The following RAP1GDS1 variants were observed in gnomAD, a reference collection of about 807,000 sequenced individuals.
RAP1GDS1 encodes Rap1 GTPase-GDP dissociation stimulator 1, also known as RAP1, GTP-GDP dissociation stimulator 1.
Under a neutral mutation model 71.1 loss-of-function variants are expected in RAP1GDS1, and 35 were observed. The observed-to-expected ratio is 0.49, with a 90% CI of 0.38 to 0.65. RAP1GDS1 has a LOEUF of 0.65. Ranked by LOEUF, RAP1GDS1 falls within the 30% of genes least tolerant of loss-of-function variation. The pLI is 0.00. For synonymous variants in RAP1GDS1, 229 were observed against 243.1 expected (o/e 0.94, Z 0.54); for missense variants, 663 against 706.1 (o/e 0.94, Z 0.69).
At chr4:98,281,602 C>T (rs1239290934) in intron 1 of RAP1GDS1, among the ~76,000 whole-genome samples, 2 of 152,130 alleles carry the variant, frequency 1.3e-5, no homozygotes, top group Non-Finnish European at 2.9e-5. Context: ...CCCTTTATTT[C>T]TTTCTCTTGC....
intron 4 of RAP1GDS1, 56 bp from the exon 5 acceptor site, chr4:98,378,961 A>G: frequency 7.0e-7 from 1 of 1,422,992 alleles, no homozygotes; most frequent in Non-Finnish European, 9.5e-7. Flanking sequence ...TGTATTTGAA[A>G]TTGTAAGGTA....
intron 6 of RAP1GDS1, among the ~76,000 whole-genome samples, chr4:98,393,268 A>C (rs972504627): frequency 2.0e-5 from 3 of 152,210 alleles, no homozygotes; most frequent in Admixed American, 1.3e-4. Flanking sequence ...AGGGAATAGA[A>C]ATTATTAAAG....
At chr4:98,297,945 G>A (rs1275533891) in intron 2 of RAP1GDS1, among the ~76,000 whole-genome samples, 1 of 152,170 alleles carries the variant, frequency 6.6e-6, no homozygotes, top group Non-Finnish European at 1.5e-5. Flanking sequence ...AGTTCTTGAA[G>A]GAAATTAAAA....
chr4:98,320,504 G>C (rs1188382217), intron 2 of RAP1GDS1, among the ~76,000 whole-genome samples: 1 of 152,204 alleles, frequency 6.6e-6, no homozygotes, highest in Non-Finnish European at 1.5e-5. Flanking sequence ...CGCAGAAGAC[G>C]GGTGATTTCT....
chr4:98,269,119 G>A lies in RAP1GDS1; in HGVS notation c.4+7550G>A, dbSNP rs559100348. On this transcript the variant is annotated intron_variant, in intron 1 of 14. Coordinates refer to ENST00000408927, the MANE Select transcript of RAP1GDS1 (RefSeq NM_001100427.2). ...ATAAAAGCAGACACATAGATCAATG[G>A]AACAGAATAGAGAGGCCAGAAATAA... Among the ~76,000 whole-genome samples, 4 of 128,666 alleles carry A rather than the reference G, an allele frequency of 3.1e-5. No individual in the cohort carries two copies. In the South Asian group the frequency reaches 7.2e-4, roughly 23 times the overall value. 84.4% of individuals were successfully genotyped at this position (128,666 alleles called of 152,430 possible).
At position 98,438,487 on chromosome 4, in the gene RAP1GDS1, G is replaced by A. The variant is rs1326673454; in HGVS notation, c.1696+1419G>A. On this transcript the variant is annotated intron_variant, in intron 14 of 14. Coordinates refer to ENST00000408927, the MANE Select transcript of RAP1GDS1 (RefSeq NM_001100427.2). Reference sequence around the variant, plus strand: ...GGCTTAAGTGTGCAATCTTATTTTTGTTTTCTGTTTGTCACATTTCTTCTT... The same window carrying A: ...GGCTTAAGTGTGCAATCTTATTTTTATTTTCTGTTTGTCACATTTCTTCTT... Among the ~76,000 whole-genome samples, 7 of 131,466 alleles carry A rather than the reference G, an allele frequency of 5.3e-5. No homozygotes were observed. In the Admixed American group the frequency reaches 5.5e-4, roughly 10 times the overall value. The allele number at this position is 131,466 out of a possible 152,430, so 86.2% of individuals were successfully genotyped here. A position where few individuals can be genotyped will look rare whatever the true frequency, so the allele number is the denominator to read the frequency against.
intron 4 of RAP1GDS1, among the ~76,000 whole-genome samples, chr4:98,360,435 T>C (rs1240715132): frequency 7.2e-6 from 1 of 138,474 alleles, no homozygotes; most frequent in Non-Finnish European, 1.5e-5. Context: ...TTAGGTAGGG[T>C]GGGAAAAGTC....
chr4:98,385,532 G>A lies in RAP1GDS1; in HGVS notation c.508+6369G>A, dbSNP rs1004041146. Among the ~76,000 whole-genome samples, 17 of 151,764 alleles carry A rather than the reference G, an allele frequency of 1.1e-4. No individual in the cohort carries two copies. The East Asian group carries it at 2.7e-3, about 24-fold the overall frequency. ...ATTTACAAAGTCCATTCAGAGAGGC[G>A]CTGAACCCAGAAAAGCATCATGTGT... On this transcript the variant is annotated intron_variant, in intron 5 of 14. Coordinates refer to ENST00000408927, the MANE Select transcript of RAP1GDS1 (RefSeq NM_001100427.2).
At chr4:98,401,919 A>G (rs527636137) in intron 6 of RAP1GDS1, among the ~76,000 whole-genome samples, 1 of 152,302 alleles carries the variant, frequency 6.6e-6, no homozygotes, top group East Asian at 1.9e-4. Context: ...ATTATTTTAA[A>G]GAAGAGTAAG....
intron 2 of RAP1GDS1, among the ~76,000 whole-genome samples, chr4:98,325,807 G>A (rs1219468952): frequency 6.7e-6 from 1 of 149,346 alleles, no homozygotes; most frequent in African/African-American, 2.5e-5. Context: ...AGCATTGGGC[G>A]ATATACCTAA....
At chr4:98,381,106 G>C (rs1456583778) in intron 5 of RAP1GDS1, among the ~76,000 whole-genome samples, 1 of 151,592 alleles carries the variant, frequency 6.6e-6, no homozygotes, top group Non-Finnish European at 1.5e-5. Flanking sequence ...TTGAAGAGTA[G>C]GCTTTTTTCT....
chr4:98,426,523 A>T (rs1749637982), intron 12 of RAP1GDS1, among the ~76,000 whole-genome samples: 1 of 152,144 alleles, frequency 6.6e-6, no homozygotes, highest in Non-Finnish European at 1.5e-5. Context: ...TTAGAAAAGA[A>T]ATGGGAAATA....
intron 2 of RAP1GDS1, among the ~76,000 whole-genome samples, chr4:98,307,792 T>C (rs1319602055): frequency 6.6e-6 from 1 of 152,150 alleles, no homozygotes; most frequent in Non-Finnish European, 1.5e-5. Context: ...AATCAGAACA[T>C]CTACAAAGTG....
At chr4:98,344,145 A>C (rs1022042310) in intron 3 of RAP1GDS1, among the ~76,000 whole-genome samples, 1 of 152,198 alleles carries the variant, frequency 6.6e-6, no homozygotes, top group Non-Finnish European at 1.5e-5. Context: ...AAGCTGTGTC[A>C]TTTGTGTAGA....
intron 4 of RAP1GDS1, among the ~76,000 whole-genome samples, chr4:98,358,874 A>G (rs757796006): frequency 1.3e-5 from 2 of 151,758 alleles, no homozygotes; most frequent in Non-Finnish European, 2.9e-5. Context: ...TAAAGGGTAC[A>G]TGAGACCTTT....
In RAP1GDS1 at chr4:98,442,647, C is replaced by T. The variant is rs753585937; in HGVS notation, c.*530C>T. 2 of 228,000 alleles carry T rather than the reference C, an allele frequency of 8.8e-6. No individual in the cohort carries two copies. Among genetic ancestry groups the T allele is most frequent in the Non-Finnish European group, 1.7e-5 (2 of 114,612 alleles). 14.1% of individuals were successfully genotyped at this position (228,000 alleles called of 1,614,324 possible). On this transcript the variant is annotated 3_prime_UTR_variant, in exon 15 of 15. Coordinates refer to ENST00000408927, the MANE Select transcript of RAP1GDS1 (RefSeq NM_001100427.2). ...ATGGTACCTAGAGTTAAATAAAATT[C>T]CAATGCTCTTACTCTTTAACTTCTG...
intron 4 of RAP1GDS1, among the ~76,000 whole-genome samples, chr4:98,376,265 C>T (rs1169508161): frequency 6.6e-6 from 1 of 152,016 alleles, no homozygotes; most frequent in Non-Finnish European, 1.5e-5. Context: ...CATAGGTTAG[C>T]TGTTACTTAT....
intron 7 of RAP1GDS1, among the ~76,000 whole-genome samples, chr4:98,412,930 C>G (rs1247465271): frequency 6.6e-6 from 1 of 152,086 alleles, no homozygotes; most frequent in Non-Finnish European, 1.5e-5. Context: ...AAGCAAAGAT[C>G]ACAAGGCAAA....
chr4:98,433,836 C>G (rs1200887945), intron 12 of RAP1GDS1, 100 bp from the exon 13 acceptor site: 4 of 1,127,032 alleles, frequency 3.5e-6, no homozygotes, highest in Non-Finnish European at 3.8e-6. Flanking sequence ...TCATACAGGA[C>G]ACTGTCGCAA....
Sources: gnomAD v4.1 joint callset for allele counts (sites outside exome capture counted in the v4.1 genomes callset) on GRCh38, gnomAD v4.1.1 for gene constraint, MANE v1.5 for transcripts, NCBI Gene and HGNC (gene_info 2026-07-23, HGNC 2026-07-21) for gene names.